Variants in BRWD1 observed in about 807,000 individuals in gnomAD.
BRWD1 encodes the protein bromodomain and WD repeat-containing protein 1.
A neutral mutation model predicts 251.2 loss-of-function variants in BRWD1; 82 were observed. The ratio of observed to expected loss-of-function variants is 0.33; its 90% CI spans 0.27 to 0.39. The LOEUF is 0.39. Among genes scored for constraint, BRWD1 ranks in the 10% least tolerant of loss-of-function variants. The probability of loss-of-function intolerance (pLI) is 1.00; values close to 1 mark genes in which losing one functional copy is unlikely to be tolerated. For synonymous variants in BRWD1, 918 were observed against 902.8 expected, an observed-to-expected ratio of 1.02 and a Z score of -0.30; for missense variants, 2,233 against 2,711.6, an observed-to-expected ratio of 0.82 and a Z score of 3.92.
intron 18 of BRWD1, 54 bp from the exon 19 acceptor site, chr21:39,255,882 T>G (rs959383974): frequency 2.3e-5 from 34 of 1,505,890 alleles, no homozygotes; most frequent in Middle Eastern, 1.7e-4. Flanking sequence ...CTAATATACA[T>G]TTAGCATGTA....
chr21:39,279,996 T>C (rs2035406837), intron 9 of BRWD1, 152 bp downstream of exon 9: 4 of 493,400 alleles, frequency 8.1e-6, no homozygotes, highest in South Asian at 4.1e-5. Flanking sequence ...ATAGTCAATA[T>C]GGCACATATG....
upstream of BRWD1, chr21:39,317,161 C>G (rs1353620677): frequency 1.3e-5 from 2 of 152,166 alleles, no homozygotes; most frequent in East Asian, 1.9e-4. Flanking sequence ...ATACACTGTC[C>G]AGGAGCAACT....
chr21:39,199,049 C>T lies in BRWD1; in HGVS notation c.5367G>A (p.Glu1789=), dbSNP rs367974255. The change falls in exon 40 of 41, where the codon GAG becomes GAA. Residue 1789 remains glutamate (E), a synonymous_variant. Transcript: ENST00000342449. ...ATCTTCCTGGTTCAGAATCTGCTTC[C>T]TCTGAGATGCTCTCTGCCTTAAGTT... ...VQKLKAESIS[E]EADSEPGRSG... 1.2e-6 allele frequency: 2 copies of T among 1,614,120 alleles called. No homozygotes were observed. Among genetic ancestry groups the T allele is most frequent in the Non-Finnish European group, 1.7e-6 (2 of 1,180,018 alleles).
intron 16 of BRWD1, 74 bp downstream of exon 16, chr21:39,264,817 G>A: frequency 6.4e-7 from 1 of 1,560,674 alleles, no homozygotes; most frequent in Non-Finnish European, 8.7e-7. Flanking sequence ...CCAAAACATA[G>A]CTCATAACTA....
chr21:39,297,860 ACTTAGT>A (rs2036000401), intron 5 of BRWD1: 1 of 976,510 alleles, frequency 1.0e-6, no homozygotes, highest in Non-Finnish European at 1.2e-6. Flanking sequence ...ACATACATAT[ACTTAGT>A]CTAAGTCATA....
At chr21:39,236,451 C>T (rs1329520358) in intron 23 of BRWD1, 144 bp downstream of exon 23, 4 of 718,772 alleles carry the variant, frequency 5.6e-6, no homozygotes, top group African/African-American at 1.8e-5. Context: ...GCTGACAGCT[C>T]GCCCAGACCA....
intron 29 of BRWD1, among the ~76,000 whole-genome samples, chr21:39,220,064 A>C (rs532315307): frequency 6.6e-6 from 1 of 151,236 alleles, no homozygotes; most frequent in South Asian, 2.1e-4. Context: ...GCCGGGATCT[A>C]AGTTCAAATC....
intron 20 of BRWD1, among the ~76,000 whole-genome samples, chr21:39,250,269 T>C (rs1027358607): frequency 4.6e-5 from 7 of 152,020 alleles, no homozygotes; most frequent in Non-Finnish European, 1.0e-4. Flanking sequence ...TCAATGTAAA[T>C]CGTCTCTGGG....
chr21:39,286,780 C>G (rs2035654274), intron 8 of BRWD1, among the ~76,000 whole-genome samples: 1 of 152,122 alleles, frequency 6.6e-6, no homozygotes, highest in Non-Finnish European at 1.5e-5. Context: ...TCCCAAAGTG[C>G]TAGGATTGCA....
rs1249651954 is a variant in BRWD1, at chr21:39,190,309, A to T, written c.*5950T>A. On this transcript the variant is annotated 3_prime_UTR_variant, in exon 41 of 41. Coordinates refer to ENST00000342449, the MANE Select transcript of BRWD1 (RefSeq NM_033656.4). ...ATACAAAACTGTTTTCCTAAATTCA[A>T]AGTAAACTGCATATGGTTACTACAG... is the stretch of plus-strand genomic sequence containing the variant. 1.0e-6 allele frequency: 1 copy of T among 984,948 alleles called. No homozygotes were observed. Among genetic ancestry groups the T allele is most frequent in the Non-Finnish European group, 1.2e-6 (1 of 829,662 alleles). The allele number at this position is 984,948 out of a possible 1,614,324, so 61.0% of individuals were successfully genotyped here.
chr21:39,210,576 TA>T (rs1476074877), intron 35 of BRWD1, among the ~76,000 whole-genome samples: 1 of 152,206 alleles, frequency 6.6e-6, no homozygotes, highest in Non-Finnish European at 1.5e-5. Context: ...ACTGATTATC[TA>T]AGTCTAAATT....
In BRWD1 at chr21:39,187,643, G is replaced by C; in HGVS notation, c.*8616C>G. The C allele has an allele frequency of 5.1e-6, 5 of 985,340 alleles. No homozygotes were observed. The highest frequency in any genetic ancestry group is 4.7e-5 in the South Asian group (1 of 21,288). 61.0% of individuals were successfully genotyped at this position (985,340 alleles called of 1,614,324 possible). A position where few individuals can be genotyped will look rare whatever the true frequency, so the allele number is the denominator to read the frequency against. Reference sequence around the variant, plus strand: ...TGTCACTTAAAACAGTAGCAGACTTGTAAGAATGGGGTGAAAAGTTCCTTC... The same window carrying C: ...TGTCACTTAAAACAGTAGCAGACTTCTAAGAATGGGGTGAAAAGTTCCTTC... On this transcript the variant is annotated 3_prime_UTR_variant, in exon 41 of 41. Transcript: ENST00000342449.
At chr21:39,214,192 G>A (rs1164465623) in intron 32 of BRWD1, among the ~76,000 whole-genome samples, 1 of 151,990 alleles carries the variant, frequency 6.6e-6, no homozygotes, top group African/African-American at 2.4e-5. Context: ...TGCTGAAAAC[G>A]ATGGCACTGT....
chr21:39,283,813 T>C (rs2035546991), intron 8 of BRWD1, among the ~76,000 whole-genome samples: 1 of 152,222 alleles, frequency 6.6e-6, no homozygotes, highest in Non-Finnish European at 1.5e-5. Flanking sequence ...TCAAGGCCAG[T>C]CGCCAATGAC....
Position 39,195,198 on chromosome 21 carries a change from A to T in BRWD1, c.*1061T>A, listed in dbSNP as rs2031747169. ...AATGCTTAGGATTGCACATGGAAGCAGTAAACTAAAACAAAGAGATGGAGA... is the reference window on the plus strand; with the variant it reads ...AATGCTTAGGATTGCACATGGAAGCTGTAAACTAAAACAAAGAGATGGAGA... On this transcript the variant is annotated 3_prime_UTR_variant, in exon 41 of 41. Coordinates refer to ENST00000342449, the MANE Select transcript of BRWD1 (RefSeq NM_033656.4). The T allele has an allele frequency of 9.7e-7, 1 of 1,034,170 alleles. No homozygotes were observed. Among genetic ancestry groups the T allele is most frequent in the Non-Finnish European group, 1.2e-6 (1 of 861,188 alleles). 64.1% of individuals were successfully genotyped at this position (1,034,170 alleles called of 1,614,324 possible).
chr21:39,277,846 G>GT lies in BRWD1; in HGVS notation c.1004-496dup, dbSNP rs2035327161. 2.6e-5 allele frequency among the ~76,000 whole-genome samples: 4 copies of GT among 151,988 alleles called. No individual in the cohort carries two copies. In the Middle Eastern group the frequency reaches 0.01, roughly 388 times the overall value. On this transcript the variant is annotated intron_variant, in intron 10 of 40. Transcript: ENST00000342449. ...CTCCTAAAGTGTTGGGATTACAGGCGTGAGCCAGCTGGTGGGGCGGGGAAC... is the reference window on the plus strand; with the variant it reads ...CTCCTAAAGTGTTGGGATTACAGGCGTTGAGCCAGCTGGTGGGGCGGGGAAC...
At chr21:39,211,052 A>T in intron 34 of BRWD1, 123 bp from the exon 35 acceptor site, 1 of 986,706 alleles carries the variant, frequency 1.0e-6, no homozygotes, top group Non-Finnish European at 1.4e-6. Context: ...CTCTCAACAC[A>T]TTTTTCCAGA....
chr21:39,228,223 G>T (rs550820604), intron 27 of BRWD1, among the ~76,000 whole-genome samples: 1 of 152,258 alleles, frequency 6.6e-6, no homozygotes, highest in South Asian at 2.1e-4. Flanking sequence ...TGGAGGCAGA[G>T]GTTGCAGTGA....
intron 21 of BRWD1, among the ~76,000 whole-genome samples, chr21:39,240,830 G>A (rs369992555): frequency 5.9e-5 from 9 of 151,660 alleles, no homozygotes; most frequent in East Asian, 5.8e-4. Context: ...TTTGGTTAAC[G>A]ACAAAAAAAG....
Sources: allele counts gnomAD v4.1 joint callset (sites outside exome capture counted in the v4.1 genomes callset), GRCh38; gene constraint gnomAD v4.1.1; transcripts MANE v1.5; gene names NCBI Gene and HGNC (gene_info 2026-07-23, HGNC 2026-07-21).